Variants in LDHB observed in about 807,000 individuals in gnomAD.
LDHB encodes L-lactate dehydrogenase B chain.
In LDHB, 18 loss-of-function variants were observed where a neutral mutation model predicts 33.4. The ratio of observed to expected loss-of-function variants is 0.54; its 90% CI spans 0.37 to 0.80. The LOEUF (loss-of-function observed/expected upper bound fraction) is 0.80, where lower values mean the gene tolerates loss of function less well. Among genes scored for constraint, LDHB ranks in the 30% least tolerant of loss-of-function variants. The pLI is 0.00. For missense variants in LDHB, 345 were observed against 407.9 expected (o/e 0.85, Z 1.33); for synonymous variants, 121 against 140.6 (o/e 0.86, Z 0.98).
intron 3 of LDHB, among the ~76,000 whole-genome samples, chr12:21,645,092 T>A (rs545335396): frequency 1.3e-5 from 2 of 152,250 alleles, no homozygotes; most frequent in East Asian, 3.9e-4. Flanking sequence ...CTGCGCTCCC[T>A]GAAACATGTG....
At chr12:21,639,196 T>TAC (rs1297285669) in intron 5 of LDHB, among the ~76,000 whole-genome samples, 1 of 152,014 alleles carries the variant, frequency 6.6e-6, no homozygotes, top group Non-Finnish European at 1.5e-5. Flanking sequence ...TGGATATTTT[T>TAC]ACAATTTTGA....
At chr12:21,643,782 T>C (rs1194136680) in intron 4 of LDHB, 153 bp downstream of exon 4, 2 of 648,164 alleles carry the variant, frequency 3.1e-6, no homozygotes, top group Non-Finnish European at 5.5e-6. Flanking sequence ...AGGCATTTGT[T>C]TTGCAAACAC....
At chr12:21,647,245 A>G (rs1405401390) in intron 2 of LDHB, among the ~76,000 whole-genome samples, 1 of 152,264 alleles carries the variant, frequency 6.6e-6, no homozygotes, top group African/African-American at 2.4e-5. Flanking sequence ...TTAGTTCAAG[A>G]GTAGGCCTAG....
intron 2 of LDHB, among the ~76,000 whole-genome samples, chr12:21,648,237 G>C (rs1565629091): frequency 6.6e-6 from 1 of 151,818 alleles, no homozygotes; most frequent in Non-Finnish European, 1.5e-5. Flanking sequence ...TCAATACTGG[G>C]GCCCAGTTAA....
chr12:21,641,104 G>A (rs530119293), intron 5 of LDHB, among the ~76,000 whole-genome samples: 4 of 152,264 alleles, frequency 2.6e-5, no homozygotes, highest in South Asian at 2.1e-4. Context: ...AAATTTAGCA[G>A]AGAAAAATTG....
At chr12:21,643,264 T>A (rs1711688026) in intron 4 of LDHB, among the ~76,000 whole-genome samples, 1 of 152,232 alleles carries the variant, frequency 6.6e-6, no homozygotes, top group Admixed American at 6.5e-5. Context: ...TCAATGTACC[T>A]GCTATGCTCA....
At chr12:21,641,593 T>C (rs1187486575) in intron 5 of LDHB, among the ~76,000 whole-genome samples, 1 of 152,166 alleles carries the variant, frequency 6.6e-6, no homozygotes. Flanking sequence ...TTGTGAATAA[T>C]GGACTCTGGA....
intron 5 of LDHB, among the ~76,000 whole-genome samples, chr12:21,640,771 G>T (rs189158015): frequency 1.3e-5 from 2 of 152,066 alleles, no homozygotes; most frequent in Admixed American, 6.6e-5. Context: ...CTGGGAAGGG[G>T]AAAGTTCAAA....
At chr12:21,637,950 CAGTT>C (rs1243268486) in intron 6 of LDHB, among the ~76,000 whole-genome samples, 1 of 151,790 alleles carries the variant, frequency 6.6e-6, no homozygotes, top group African/African-American at 2.4e-5. Flanking sequence ...TTTGAGACAT[CAGTT>C]AGTCCTGTTA....
At chr12:21,655,178 TA>T (rs1938807106) in intron 1 of LDHB, among the ~76,000 whole-genome samples, 2 of 152,226 alleles carry the variant, frequency 1.3e-5, no homozygotes, top group Admixed American at 1.3e-4. Flanking sequence ...TTCATTAAGG[TA>T]AAAACTTTCA....
Position 21,638,432 on chromosome 12 carries a change from G to GAGA in LDHB, c.631_633dup (p.Ser211dup). The GAGA allele has an allele frequency of 6.2e-7, 1 of 1,607,206 alleles. No homozygotes were observed. The highest frequency in any genetic ancestry group is 1.1e-5 in the South Asian group (1 of 90,866). ...CCCATTTCTGGATTCAATTCCTGGA[G>GAGA]AGAAACACCTGCCACATTCACACCA... On this transcript the variant is annotated inframe_insertion, in exon 6 of 8. Coordinates refer to ENST00000350669, the MANE Select transcript of LDHB (RefSeq NM_002300.8).
intron 2 of LDHB, among the ~76,000 whole-genome samples, chr12:21,649,069 G>A (rs968231124): frequency 1.3e-5 from 2 of 151,980 alleles, no homozygotes; most frequent in African/African-American, 4.8e-5. Context: ...TATTTTTTAA[G>A]TCCTAAATTA....
At chr12:21,647,966 G>A (rs959600652) in intron 2 of LDHB, among the ~76,000 whole-genome samples, 12 of 152,132 alleles carry the variant, frequency 7.9e-5, no homozygotes, top group African/African-American at 2.9e-4. Context: ...CAAAATGCTG[G>A]AATAGGCAGT....
At chr12:21,643,225 A>G (rs770594525) in intron 4 of LDHB, among the ~76,000 whole-genome samples, 1 of 152,236 alleles carries the variant, frequency 6.6e-6, no homozygotes, top group Non-Finnish European at 1.5e-5. Flanking sequence ...AGTGTGAGAG[A>G]TAATCAGTCC....
Position 21,641,948 on chromosome 12 carries a change from T to C in LDHB, c.595+4A>G. 6.2e-7 allele frequency: 1 copy of C among 1,607,828 alleles called. No individual in the cohort carries two copies. Among genetic ancestry groups the C allele is most frequent in the Admixed American group, 1.7e-5 (1 of 59,316 alleles). On this transcript the variant is annotated splice_donor_region_variant and intron_variant, in intron 5 of 7. Coordinates refer to ENST00000350669, the MANE Select transcript of LDHB (RefSeq NM_002300.8). ...AAGTAATTATTTCTTTTTTTTTTCTTTACCACTTGAGTCGCCATGTTCCCC... is the reference window on the plus strand; with the variant it reads ...AAGTAATTATTTCTTTTTTTTTTCTCTACCACTTGAGTCGCCATGTTCCCC...
intron 4 of LDHB, 25 bp from the exon 5 acceptor site, chr12:21,642,150 G>A: frequency 6.3e-7 from 1 of 1,587,464 alleles, no homozygotes; most frequent in Middle Eastern, 1.7e-4. Context: ...AATAATATAT[G>A]TAAGTAAACC....
At chr12:21,637,475 C>A in intron 6 of LDHB, 1 of 293,632 alleles carries the variant, frequency 3.4e-6, no homozygotes, top group Non-Finnish European at 6.4e-6. Context: ...TATACATTTT[C>A]CAATCATTGT....
In LDHB at chr12:21,653,853, A is replaced by G. The variant is rs568918321; in HGVS notation, c.129+690T>C. Among the ~76,000 whole-genome samples, 5 of 152,352 alleles carry G rather than the reference A, an allele frequency of 3.3e-5. 1 individual carries two copies. In the South Asian group the frequency reaches 1.0e-3, roughly 32 times the overall value. ...AACAGAATATTCCCACAACCTCACA[A>G]AGCCATGCATGGCACAGATTACTTA... On this transcript the variant is annotated intron_variant, in intron 2 of 7. Coordinates refer to ENST00000350669, the MANE Select transcript of LDHB (RefSeq NM_002300.8).
Position 21,640,824 on chromosome 12 carries a change from T to C in LDHB, c.595+1128A>G, listed in dbSNP as rs139686641. Among the ~76,000 whole-genome samples the C allele has an allele frequency of 8.8e-4, 134 of 151,450 alleles. No homozygotes were observed. In the East Asian group the frequency reaches 0.011, roughly 12 times the overall value. ...TATTGTGCAAGACAGTGCTCAAAAA[T>C]GATGGGACATGTTAAAAAAAAAAAG... On this transcript the variant is annotated intron_variant, in intron 5 of 7. Transcript: ENST00000350669.
Sources: allele counts gnomAD v4.1 joint callset (sites outside exome capture counted in the v4.1 genomes callset), GRCh38; gene constraint gnomAD v4.1.1; transcripts MANE v1.5; gene names NCBI Gene and HGNC (gene_info 2026-07-23, HGNC 2026-07-21).